The following IQSEC1 variants were observed in gnomAD, a reference collection of about 807,000 sequenced individuals.
The protein encoded by IQSEC1 is IQ motif and Sec7 domain ArfGEF 1.
Under a neutral mutation model 91.0 loss-of-function variants are expected in IQSEC1, and 31 were observed. That is an observed-to-expected ratio of 0.34 (90% CI 0.26 to 0.46). The LOEUF (loss-of-function observed/expected upper bound fraction) is 0.46, where lower values mean the gene tolerates loss of function less well. IQSEC1 is among the 20% of genes least tolerant of loss of function. The pLI is 1.00. For synonymous variants in IQSEC1, 699 were observed against 662.6 expected (o/e 1.05, Z -0.84); for missense variants, 1,388 against 1,575.6 (o/e 0.88, Z 2.02).
chr3:13,075,382 G>C (rs563250884), upstream of IQSEC1, among the ~76,000 whole-genome samples: 131 of 152,320 alleles, frequency 8.6e-4, no homozygotes, highest in African/African-American at 2.9e-3. Context: ...CTCACAGCCT[G>C]GCTCGGGCTA....
intron 1 of IQSEC1, among the ~76,000 whole-genome samples, chr3:13,020,461 G>A (rs181934439): frequency 5.3e-5 from 8 of 152,350 alleles, no homozygotes; most frequent in East Asian, 1.9e-4. Flanking sequence ...CAGCAGCAGA[G>A]ACAACTATGG....
chr3:13,181,243 A>C (rs9837274), intron 1 of IQSEC1, among the ~76,000 whole-genome samples: 4,973 of 152,316 alleles, frequency 0.033, 266 homozygotes, highest in African/African-American at 0.11. Flanking sequence ...TGCACTCCAG[A>C]CTGGGCGACA....
In IQSEC1 at chr3:13,207,357, T is replaced by C. The variant is rs1283568707; in HGVS notation, c.273-43224A>G. 6.6e-6 allele frequency among the ~76,000 whole-genome samples: 1 copy of C among 151,562 alleles called. No individual in the cohort carries two copies. Among genetic ancestry groups the C allele is most frequent in the Non-Finnish European group, 1.5e-5 (1 of 67,908 alleles). On this transcript the variant is annotated intron_variant, in intron 1 of 15. Coordinates refer to the IQSEC1 transcript ENST00000648114. This position sits in a 1 kb window ranked among gnomAD's most constrained non-coding sequence, Gnocchi z 4.8. ...CACCCATCGCCAATCTGCCTACTTC[T>C]CCCCCTCCACGGCCACCTCCCTGAC... is the stretch of plus-strand genomic sequence containing the variant.
intron 1 of IQSEC1, among the ~76,000 whole-genome samples, chr3:12,944,896 G>C (rs1699075918): frequency 6.6e-6 from 1 of 152,210 alleles, no homozygotes; most frequent in South Asian, 2.1e-4. Flanking sequence ...CCCGACCCAG[G>C]ATGGAGGAGC....
At chr3:13,198,360 C>T (rs1044433360) in intron 1 of IQSEC1, among the ~76,000 whole-genome samples, 1 of 152,022 alleles carries the variant, frequency 6.6e-6, no homozygotes, top group Non-Finnish European at 1.5e-5. Flanking sequence ...CGTGGGCTGT[C>T]CCCCTGGAGG....
At chr3:13,244,428 AGTGATT>A (rs1256538109) in intron 1 of IQSEC1, among the ~76,000 whole-genome samples, 1 of 152,214 alleles carries the variant, frequency 6.6e-6, no homozygotes, top group East Asian at 1.9e-4. Context: ...CCAATATCCC[AGTGATT>A]GTCGGTATAT....
chr3:13,167,111 C>T (rs968943663), intron 1 of IQSEC1, among the ~76,000 whole-genome samples: 3 of 152,080 alleles, frequency 2.0e-5, no homozygotes, highest in Admixed American at 6.6e-5. Context: ...ATGATTATGG[C>T]GGCACTCAGC....
intron 2 of IQSEC1, among the ~76,000 whole-genome samples, chr3:13,096,922 G>A (rs1429286742): frequency 2.1e-4 from 31 of 150,538 alleles, no homozygotes; most frequent in African/African-American, 5.9e-4. Context: ...GTGCGGTGGC[G>A]CGATCTCGGC....
At chr3:13,183,743 T>C (rs1180005164) in intron 1 of IQSEC1, among the ~76,000 whole-genome samples, 1 of 152,222 alleles carries the variant, frequency 6.6e-6, no homozygotes, top group African/African-American at 2.4e-5. Context: ...TTTGTTTGGT[T>C]GGTTGTTAAA....
At chr3:13,062,778 A>G (rs1182926367) in intron 1 of IQSEC1, among the ~76,000 whole-genome samples, 1 of 152,158 alleles carries the variant, frequency 6.6e-6, no homozygotes, top group African/African-American at 2.4e-5. Context: ...CAGGCAGTGA[A>G]TTTCAGCCAG....
At chr3:13,100,746 A>G (rs1706043219) in intron 2 of IQSEC1, among the ~76,000 whole-genome samples, 1 of 148,798 alleles carries the variant, frequency 6.7e-6, no homozygotes, top group Admixed American at 6.7e-5. Flanking sequence ...TAATTCTACA[A>G]ATGTTCATTG....
At chr3:13,079,698 T>A (rs1046630559) in intron 2 of IQSEC1, among the ~76,000 whole-genome samples, 1 of 152,134 alleles carries the variant, frequency 6.6e-6, no homozygotes, top group Non-Finnish European at 1.5e-5. Context: ...ACCTGAAACC[T>A]GGAGGTTATG....
At chr3:13,090,930 A>G (rs1705848862) in intron 2 of IQSEC1, among the ~76,000 whole-genome samples, 1 of 152,172 alleles carries the variant, frequency 6.6e-6, no homozygotes, top group East Asian at 1.9e-4. Flanking sequence ...GCGGAATTTG[A>G]ACCCCAGCCG....
At chr3:12,901,635 C>A in intron 13 of IQSEC1, 113 bp from the exon 14 acceptor site, 2 of 898,014 alleles carry the variant, frequency 2.2e-6, no homozygotes, top group South Asian at 1.7e-5. Flanking sequence ...AGCTTTAGTT[C>A]AACTCACTGG....
chr3:13,055,133 G>C (rs1015431948), intron 1 of IQSEC1, among the ~76,000 whole-genome samples: 2 of 152,194 alleles, frequency 1.3e-5, no homozygotes, highest in Non-Finnish European at 2.9e-5. Flanking sequence ...ACAGTGCGGC[G>C]ATTGTCCCGG....
At chr3:13,027,705 G>A (rs1171211709) in intron 1 of IQSEC1, among the ~76,000 whole-genome samples, 1 of 152,194 alleles carries the variant, frequency 6.6e-6, no homozygotes. Flanking sequence ...CAGGGACACA[G>A]GGATGGCCAG....
rs191561006 is a variant in IQSEC1, at chr3:13,277,204, A to C, written c.272+5507T>G. 4.0e-3 allele frequency among the ~76,000 whole-genome samples: 600 copies of C among 151,330 alleles called. 3 individuals are homozygous for C. The highest frequency in any genetic ancestry group is 6.3e-3 in the Non-Finnish European group (428 of 67,878). ...ATGTCATAGACAAAACAGCTGAGAAATAGCCACCCAGCTGGCAAAAAACGC... is the reference window on the plus strand; with the variant it reads ...ATGTCATAGACAAAACAGCTGAGAACTAGCCACCCAGCTGGCAAAAAACGC... On this transcript the variant is annotated intron_variant, in intron 1 of 15. Coordinates refer to the IQSEC1 transcript ENST00000648114.
chr3:13,174,841 C>G (rs796611275), intron 1 of IQSEC1, among the ~76,000 whole-genome samples: 50 of 151,472 alleles, frequency 3.3e-4, no homozygotes, highest in Non-Finnish European at 6.4e-4. Context: ...GCTCCCCCCC[C>G]CCACCTCCTC....
intron 1 of IQSEC1, among the ~76,000 whole-genome samples, chr3:13,038,262 G>GTATATATATATATATATATATA (rs58338571): frequency 1.5e-4 from 15 of 101,210 alleles, no homozygotes; most frequent in South Asian, 3.2e-4. Context: ...GTGTGTGTGT[G>GTATATATATATATATATATATA]TATATATATA....
Sources: gnomAD v4.1 joint callset for allele counts (sites outside exome capture counted in the v4.1 genomes callset) on GRCh38, gnomAD v4.1.1 for gene constraint, Gnocchi (gnomAD v3.1) non-coding constraint, MANE v1.5 for transcripts, NCBI Gene and HGNC (gene_info 2026-07-23, HGNC 2026-07-21) for gene names.